The following ADK variants were observed in gnomAD, a reference collection of about 807,000 sequenced individuals.
ADK encodes the protein N6,N6-dimethyladenosine kinase.
Under a neutral mutation model 44.7 loss-of-function variants are expected in ADK, and 24 were observed. The observed-to-expected ratio is 0.54, with a 90% confidence interval of 0.39 to 0.76. ADK has a LOEUF of 0.76. ADK is among the 30% of genes least tolerant of loss of function. ADK has a pLI of 0.00. For missense variants in ADK, 321 were observed against 425.1 expected (o/e 0.76, Z 2.15); for synonymous variants, 128 against 142.6 (o/e 0.90, Z 0.73).
intron 7 of ADK, among the ~76,000 whole-genome samples, chr10:74,532,676 G>C (rs1048316684): frequency 6.6e-6 from 1 of 152,038 alleles, no homozygotes; most frequent in Non-Finnish European, 1.5e-5. Context: ...CGAGGCTGGT[G>C]GATCATTTGA....
At chr10:74,218,238 C>T (rs138183123) in intron 2 of ADK, among the ~76,000 whole-genome samples, 2,971 of 152,086 alleles carry the variant, frequency 0.02, 45 homozygotes, top group Non-Finnish European at 0.026. Flanking sequence ...GCCTCAGGAG[C>T]CGATGTGATC....
At chr10:74,688,318 T>A (rs544962706) in intron 10 of ADK, among the ~76,000 whole-genome samples, 14 of 152,342 alleles carry the variant, frequency 9.2e-5, no homozygotes, top group Admixed American at 7.2e-4. Context: ...CTTGTTTTTG[T>A]CTATTTCCCC....
At chr10:74,646,293 G>A (rs1249857900) in intron 9 of ADK, among the ~76,000 whole-genome samples, 2 of 152,128 alleles carry the variant, frequency 1.3e-5, no homozygotes, top group Non-Finnish European at 2.9e-5. Context: ...AGTCACTTTG[G>A]GGATTAACAC....
intron 10 of ADK, among the ~76,000 whole-genome samples, chr10:74,689,486 C>T (rs1236659448): frequency 1.3e-5 from 2 of 152,206 alleles, no homozygotes; most frequent in African/African-American, 4.8e-5. Context: ...TAAAGTTATC[C>T]AGTAGATCTC....
chr10:74,238,976 T>A (rs1315517004), intron 3 of ADK, among the ~76,000 whole-genome samples: 2 of 148,670 alleles, frequency 1.3e-5, no homozygotes, highest in African/African-American at 4.9e-5. Flanking sequence ...TACTTATGCC[T>A]CAGCCTCCTG....
intron 10 of ADK, among the ~76,000 whole-genome samples, chr10:74,690,205 C>T (rs959578754): frequency 4.6e-5 from 7 of 152,140 alleles, no homozygotes; most frequent in African/African-American, 1.7e-4. Flanking sequence ...AGTATAAAAT[C>T]CAAATCAGGC....
chr10:74,280,269 ATT>A (rs1171477519), intron 3 of ADK, among the ~76,000 whole-genome samples: 1 of 151,788 alleles, frequency 6.6e-6, no homozygotes, highest in African/African-American at 2.4e-5. Context: ...TGCCCGGCTA[ATT>A]TTTTGTATTT....
chr10:74,570,915 G>A (rs1180803585), intron 7 of ADK, among the ~76,000 whole-genome samples: 1 of 152,134 alleles, frequency 6.6e-6, no homozygotes, highest in East Asian at 1.9e-4. Flanking sequence ...TATGATACTG[G>A]CTATGGGTTT....
At chr10:74,594,973 C>T (rs1851851833) in intron 8 of ADK, among the ~76,000 whole-genome samples, 3 of 151,882 alleles carry the variant, frequency 2.0e-5, no homozygotes, top group African/African-American at 7.3e-5. Flanking sequence ...ATCAGGAGTT[C>T]GAGACCAGCC....
chr10:74,375,339 CATT>C (rs890779827), intron 4 of ADK, among the ~76,000 whole-genome samples: 7 of 151,996 alleles, frequency 4.6e-5, no homozygotes, highest in Admixed American at 4.6e-4. Context: ...AATGTTTTCT[CATT>C]ATTTTCATTT....
At chr10:74,197,956 A>G (rs942304072) in intron 1 of ADK, among the ~76,000 whole-genome samples, 2 of 152,172 alleles carry the variant, frequency 1.3e-5, no homozygotes, top group Admixed American at 1.3e-4. Flanking sequence ...ATGTGGGGGC[A>G]GGAGGATACT....
At chr10:74,174,149 G>GA (rs575087302) in intron 1 of ADK, among the ~76,000 whole-genome samples, 4 of 147,700 alleles carry the variant, frequency 2.7e-5, no homozygotes, top group East Asian at 2.0e-4. Flanking sequence ...CTAAAAACAC[G>GA]AAAAAAAAAT....
At chr10:74,583,540 T>C (rs993784841) in intron 7 of ADK, among the ~76,000 whole-genome samples, 1 of 152,200 alleles carries the variant, frequency 6.6e-6, no homozygotes, top group African/African-American at 2.4e-5. Context: ...CCCTCTGATT[T>C]GCTGACCACA....
At chr10:74,366,239 TAGTAA>T (rs1447320866) in intron 4 of ADK, among the ~76,000 whole-genome samples, 1 of 152,164 alleles carries the variant, frequency 6.6e-6, no homozygotes, top group Non-Finnish European at 1.5e-5. Flanking sequence ...AGTTAAAACA[TAGTAA>T]AGTATTTTAA....
intron 6 of ADK, among the ~76,000 whole-genome samples, chr10:74,492,069 T>C (rs1025471170): frequency 5.9e-5 from 9 of 152,158 alleles, no homozygotes; most frequent in Non-Finnish European, 1.2e-4. Flanking sequence ...TTTTCCTGAG[T>C]CGTTTGAGAG....
chr10:74,259,054 C>T (rs1312403832), intron 3 of ADK, among the ~76,000 whole-genome samples: 3 of 146,056 alleles, frequency 2.1e-5, no homozygotes, highest in African/African-American at 5.1e-5. Context: ...TGGGTTCAAG[C>T]GATTCTCGTG....
intron 10 of ADK, among the ~76,000 whole-genome samples, chr10:74,686,023 G>A (rs1425734754): frequency 6.6e-6 from 1 of 151,854 alleles, no homozygotes; most frequent in South Asian, 2.1e-4. Flanking sequence ...GTGCAGTGGC[G>A]CAATCCCGAC....
chr10:74,426,355 A>G (rs1046107201), intron 6 of ADK, among the ~76,000 whole-genome samples: 7 of 152,234 alleles, frequency 4.6e-5, no homozygotes, highest in Non-Finnish European at 7.3e-5. Context: ...ATTGGAAACC[A>G]TATAAATGAC....
intron 10 of ADK, among the ~76,000 whole-genome samples, chr10:74,689,362 T>C (rs1193103602): frequency 1.3e-5 from 2 of 152,190 alleles, no homozygotes; most frequent in African/African-American, 2.4e-5. Context: ...TAAGTAGTTA[T>C]AGTACAGATA....
Sources: allele counts gnomAD v4.1 joint callset (sites outside exome capture counted in the v4.1 genomes callset), GRCh38; gene constraint gnomAD v4.1.1; transcripts MANE v1.5; gene names NCBI Gene and HGNC (gene_info 2026-07-23, HGNC 2026-07-21).